The following SDHB variants were observed in gnomAD, a reference collection of about 807,000 sequenced individuals.
The protein encoded by SDHB is succinate dehydrogenase [ubiquinone] iron-sulfur subunit, mitochondrial.
In SDHB, 21 loss-of-function variants were observed where a neutral mutation model predicts 39.7. The ratio of observed to expected loss-of-function variants is 0.53; its 90% CI spans 0.37 to 0.76. The LOEUF is 0.76. SDHB is among the 30% of genes least tolerant of loss of function. SDHB has a pLI of 0.00. For missense variants in SDHB, 343 were observed against 350.9 expected, an observed-to-expected ratio of 0.98 and a Z score of 0.18; for synonymous variants, 118 against 117.0, an observed-to-expected ratio of 1.01 and a Z score of -0.06.
intron 5 of SDHB, among the ~76,000 whole-genome samples, chr1:17,026,297 C>A (rs1234918615): frequency 6.6e-6 from 1 of 152,206 alleles, no homozygotes. Context: ...GACTTGCAGG[C>A]CACTGTGCTG....
chr1:17,039,415 C>CAAA (rs34561776), intron 2 of SDHB, among the ~76,000 whole-genome samples: 22 of 86,124 alleles, frequency 2.6e-4, no homozygotes, highest in East Asian at 4.3e-4. Flanking sequence ...CCTGTCTCTA[C>CAAA]AAAAAAAAAA....
intron 3 of SDHB, among the ~76,000 whole-genome samples, chr1:17,031,046 C>T (rs537881132): frequency 6.6e-6 from 1 of 151,944 alleles, no homozygotes; most frequent in East Asian, 1.9e-4. Flanking sequence ...ACCTAGACCT[C>T]CCAAAGTACT....
chr1:17,053,868 AGT>A, intron 1 of SDHB, 78 bp downstream of exon 1: 1 of 1,040,538 alleles, frequency 9.6e-7, no homozygotes, highest in Non-Finnish European at 1.5e-6. Flanking sequence ...ATGCTTCCTC[AGT>A]CTCTCCGCAG....
intron 7 of SDHB, among the ~76,000 whole-genome samples, chr1:17,021,863 G>T (rs2077963710): frequency 6.6e-6 from 1 of 152,244 alleles, no homozygotes; most frequent in Non-Finnish European, 1.5e-5. Flanking sequence ...CTCTAGAGCT[G>T]TGCGTCAAAT....
At chr1:17,021,884 A>G (rs2077963876) in intron 7 of SDHB, among the ~76,000 whole-genome samples, 2 of 152,202 alleles carry the variant, frequency 1.3e-5, no homozygotes, top group Admixed American at 1.3e-4. Flanking sequence ...AAACTTCTTT[A>G]TAAAATTACC....
chr1:17,019,074 C>T, intron 7 of SDHB, 116 bp from the exon 8 acceptor site: 1 of 805,054 alleles, frequency 1.2e-6, no homozygotes, highest in Non-Finnish European at 2.2e-6. Flanking sequence ...AAGGTGAATG[C>T]AAATCAAGTC....
At chr1:17,049,163 C>A in intron 1 of SDHB, among the ~76,000 whole-genome samples, 1 of 152,082 alleles carries the variant, frequency 6.6e-6, no homozygotes, top group East Asian at 1.9e-4. Flanking sequence ...TCATGTCCAG[C>A]TAATTTTTGT....
chr1:17,019,153 A>G (rs2101508517), intron 7 of SDHB, among the ~76,000 whole-genome samples, 195 bp from the exon 8 acceptor site: 1 of 152,280 alleles, frequency 6.6e-6, no homozygotes, highest in Middle Eastern at 3.4e-3. Flanking sequence ...GAAGATGGTC[A>G]GCTCCCTCTG....
chr1:17,041,013 C>T (rs2078077296), intron 2 of SDHB, among the ~76,000 whole-genome samples: 1 of 151,960 alleles, frequency 6.6e-6, no homozygotes, highest in Admixed American at 6.6e-5. Context: ...GTCTGTAATC[C>T]CAGCTACTCA....
At position 17,038,905 on chromosome 1, in the gene SDHB, A is replaced by T. The variant is rs140951959; in HGVS notation, c.201-5760T>A. Among the ~76,000 whole-genome samples the T allele has an allele frequency of 2.0e-5, 3 of 152,364 alleles. No individual in the cohort carries two copies. The East Asian group carries it at 5.8e-4, about 29-fold the overall frequency. ...TGAATCTTGCCAAATGCTTTTCTGCATATATTAAAGCAATCAAATGGGTTT... is the reference window on the plus strand; with the variant it reads ...TGAATCTTGCCAAATGCTTTTCTGCTTATATTAAAGCAATCAAATGGGTTT... On this transcript the variant is annotated intron_variant, in intron 2 of 7. Transcript: ENST00000375499.
chr1:17,038,416 C>T (rs973836483), intron 2 of SDHB, among the ~76,000 whole-genome samples: 13 of 152,226 alleles, frequency 8.5e-5, no homozygotes, highest in African/African-American at 3.1e-4. Flanking sequence ...ATTGACCTTA[C>T]ATCCTGCAGC....
intron 2 of SDHB, among the ~76,000 whole-genome samples, chr1:17,044,523 A>C (rs913578091): frequency 4.6e-5 from 7 of 152,104 alleles, no homozygotes; most frequent in Non-Finnish European, 1.0e-4. Flanking sequence ...GGGGAGTTTC[A>C]CCATGTTGGC....
chr1:17,042,848 T>C, intron 2 of SDHB, among the ~76,000 whole-genome samples: 1 of 152,038 alleles, frequency 6.6e-6, no homozygotes, highest in East Asian at 1.9e-4. Context: ...ATTTGCAACG[T>C]CTTTATTTTC....
chr1:17,045,014 G>T lies in SDHB; in HGVS notation c.73-126C>A, dbSNP rs1040383947. The T allele has an allele frequency of 7.5e-5, 63 of 834,760 alleles. No homozygotes were observed. The African/African-American group carries it at 1.0e-3, about 14-fold the overall frequency. 51.7% of individuals were successfully genotyped at this position (834,760 alleles called of 1,614,324 possible). A position where few individuals can be genotyped will look rare whatever the true frequency, so the allele number is the denominator to read the frequency against. On this transcript the variant is annotated intron_variant, in intron 1 of 7. Transcript: ENST00000375499. ...ACATTACTGACACATAATCTTCTTAGAAAAGGCAGGCATTCAATATCCAAC... is the reference window on the plus strand; with the variant it reads ...ACATTACTGACACATAATCTTCTTATAAAAGGCAGGCATTCAATATCCAAC...
intron 3 of SDHB, among the ~76,000 whole-genome samples, chr1:17,029,778 CAGTGGTGG>C (rs1478285307): frequency 1.3e-5 from 2 of 152,078 alleles, no homozygotes; most frequent in African/African-American, 4.8e-5. Context: ...GGCTGAAGTA[CAGTGGTGG>C]AGTCATAGCT....
intron 2 of SDHB, among the ~76,000 whole-genome samples, chr1:17,036,493 A>G (rs954979186): frequency 6.6e-5 from 10 of 151,800 alleles, no homozygotes; most frequent in Admixed American, 2.6e-4. Context: ...TTTTTTGTAG[A>G]GATGGGGTTT....
chr1:17,045,692 C>T (rs1226067205), intron 1 of SDHB, among the ~76,000 whole-genome samples: 2 of 152,096 alleles, frequency 1.3e-5, no homozygotes, highest in Non-Finnish European at 2.9e-5. Context: ...AGTAAAAACT[C>T]GGAAGGTTAA....
chr1:17,049,700 C>T (rs1478389147), intron 1 of SDHB, among the ~76,000 whole-genome samples: 9 of 117,848 alleles, frequency 7.6e-5, no homozygotes, highest in African/African-American at 2.7e-4. Context: ...CACTCTGTCA[C>T]CCAGGCTGGA....
At chr1:17,037,667 G>C (rs573207589) in intron 2 of SDHB, among the ~76,000 whole-genome samples, 1 of 152,290 alleles carries the variant, frequency 6.6e-6, no homozygotes, top group East Asian at 1.9e-4. Context: ...ATGTTGTCCA[G>C]GGTGGTCTTG....
Sources: gnomAD v4.1 joint callset for allele counts (sites outside exome capture counted in the v4.1 genomes callset) on GRCh38, gnomAD v4.1.1 for gene constraint, MANE v1.5 for transcripts, NCBI Gene and HGNC (gene_info 2026-07-23, HGNC 2026-07-21) for gene names.